GGT1: variants seen among roughly 807,000 people sequenced by gnomAD.
GGT1 encodes glutathione hydrolase 1 proenzyme.
Under a neutral mutation model 56.0 loss-of-function variants are expected in GGT1, and 21 were observed. The ratio of observed to expected loss-of-function variants is 0.38; its 90% CI spans 0.27 to 0.54. GGT1 has a LOEUF of 0.54. Ranked by LOEUF, GGT1 falls within the 20% of genes least tolerant of loss-of-function variation. The probability of loss-of-function intolerance (pLI) is 0.82; values close to 1 mark genes in which losing one functional copy is unlikely to be tolerated. For missense variants in GGT1, 466 were observed against 787.0 expected (o/e 0.59, Z 4.88); for synonymous variants, 238 against 342.6 (o/e 0.69, Z 3.37).
upstream of GGT1, chr22:24,599,444 T>G (rs887845690): frequency 2.0e-5 from 3 of 150,284 alleles, no homozygotes; most frequent in African/African-American, 7.3e-5. Context: ...TTCTTCTCAG[T>G]TGGGGAGGGG....
the GGT1 span, among the ~76,000 whole-genome samples, chr22:24,586,704 T>A: frequency 1.2e-3 from 182 of 152,368 alleles, 3 homozygotes; most frequent in South Asian, 0.036. Flanking sequence ...GCTAATTTTG[T>A]ATTTTTAGTA....
At chr22:24,586,299 C>T in the GGT1 span, 20 of 1,614,020 alleles carry the variant, frequency 1.2e-5, no homozygotes, top group Middle Eastern at 1.8e-3. Flanking sequence ...AGCACAGCAC[C>T]ATGGCTGCTC....
At chr22:24,602,163 C>T (rs2147202504), upstream of GGT1, among the ~76,000 whole-genome samples, 1 of 152,308 alleles carries the variant, frequency 6.6e-6, no homozygotes, top group South Asian at 2.1e-4. Flanking sequence ...GCAGCCCTCA[C>T]TTCCTGGAAA....
chr22:24,593,518 T>A (rs558557462), upstream of GGT1, among the ~76,000 whole-genome samples: 2 of 152,262 alleles, frequency 1.3e-5, no homozygotes, highest in African/African-American at 4.8e-5. Context: ...CCGGGCATGG[T>A]GGCTCACGCC....
intron 5 of GGT1, among the ~76,000 whole-genome samples, chr22:24,612,821 C>A (rs903469282): frequency 3.3e-5 from 5 of 152,084 alleles, no homozygotes; most frequent in African/African-American, 1.2e-4. Context: ...GCCACCATGC[C>A]CGGCCGGGCT....
intron 5 of GGT1, among the ~76,000 whole-genome samples, chr22:24,613,999 A>G (rs531786118): frequency 0.052 from 7,845 of 151,892 alleles, 668 homozygotes; most frequent in African/African-American, 0.18. Context: ...GCATTGAGCC[A>G]AGACTGTGCC....
rs1471318167 is a variant in GGT1 at position 24,620,635 on chromosome 22, G to A, written c.575+115G>A. The A allele has an allele frequency of 6.8e-5, 106 of 1,547,704 alleles. No homozygotes were observed. The highest frequency in any genetic ancestry group is 9.0e-5 in the Non-Finnish European group (103 of 1,148,898). On this transcript the variant is annotated intron_variant, in intron 8 of 15. Transcript: ENST00000400382. This position sits in a 1 kb window ranked among gnomAD's most constrained non-coding sequence, Gnocchi z 5.6. Reference sequence around the variant, plus strand: ...GCCTTCAGGACCCTGTGCTGATAATGGGATGAGGAGATACAGACCCTTCCC... The same window carrying A: ...GCCTTCAGGACCCTGTGCTGATAATAGGATGAGGAGATACAGACCCTTCCC...
chr22:24,614,958 C>T (rs565008246), intron 6 of GGT1, 52 bp downstream of exon 6: 33 of 1,552,948 alleles, frequency 2.1e-5, no homozygotes, highest in African/African-American at 8.2e-5. Flanking sequence ...TGGGTTGGGC[C>T]GAGGCACAGC....
In GGT1 at chr22:24,623,267, G is replaced by A. The variant is rs909754839; in HGVS notation, c.883+11G>A. 38 of 1,552,942 alleles carry A rather than the reference G, an allele frequency of 2.4e-5. No homozygotes were observed. Among genetic ancestry groups the A allele is most frequent in the South Asian group, 3.5e-5 (3 of 85,950 alleles). On this transcript the variant is annotated intron_variant, in intron 10 of 15. Transcript: ENST00000400382. Reference sequence around the variant, plus strand: ...TCAACATCCTCAAAGGTGAGTGGTCGCACCACAGCCGTGTGGTAGGACCCA... The same window carrying A: ...TCAACATCCTCAAAGGTGAGTGGTCACACCACAGCCGTGTGGTAGGACCCA...
In GGT1 at chr22:24,609,978, G is replaced by A. The variant is rs1372867320; in HGVS notation, c.-345G>A. 4 of 465,390 alleles carry A rather than the reference G, an allele frequency of 8.6e-6. No individual in the cohort carries two copies. The highest frequency in any genetic ancestry group is 2.4e-5 in the Admixed American group (1 of 42,154). 28.8% of individuals were successfully genotyped at this position (465,390 alleles called of 1,614,324 possible). The stretch of plus-strand genomic sequence containing the variant: ...CACTCCCAGCAGCAAGGCAAGTGAG[G>A]TGCTGCCGTCATCCAGGCTGGACAG... On this transcript the variant is annotated 5_prime_UTR_variant, in exon 3 of 16. The change creates a new upstream start codon in the 5' untranslated region. Transcript: ENST00000400382.
chr22:24,602,308 C>T (rs1438617489), upstream of GGT1, among the ~76,000 whole-genome samples: 1 of 152,202 alleles, frequency 6.6e-6, no homozygotes, highest in East Asian at 1.9e-4. Flanking sequence ...GCTCTTCCCC[C>T]TGGGGTGACC....
At chr22:24,592,324 C>T, upstream of GGT1, 1 of 470,316 alleles carries the variant, frequency 2.1e-6, no homozygotes, top group South Asian at 1.5e-5. Flanking sequence ...ACTGGTGATG[C>T]ATGGATGGCT....
chr22:24,593,163 G>A (rs1485213004), upstream of GGT1: 7 of 954,220 alleles, frequency 7.3e-6, no homozygotes, highest in South Asian at 2.9e-4. Flanking sequence ...TCCGAAGGCT[G>A]AGCGCCCGCC....
upstream of GGT1, chr22:24,594,727 T>A (rs776205886): frequency 5.3e-5 from 8 of 152,268 alleles, no homozygotes; most frequent in Non-Finnish European, 1.2e-4. Context: ...CACCACAGGT[T>A]TCCTCCCTGG....
chr22:24,615,658 G>T (rs959888735), intron 7 of GGT1, among the ~76,000 whole-genome samples: 7 of 152,190 alleles, frequency 4.6e-5, no homozygotes, highest in African/African-American at 1.7e-4. Flanking sequence ...CATTTGTGGG[G>T]ATGGTGCTCT....
the GGT1 span, chr22:24,589,405 C>G: frequency 9.5e-7 from 1 of 1,057,796 alleles, no homozygotes; most frequent in Non-Finnish European, 1.2e-6. Context: ...TGCGGACAGA[C>G]GGGGGCTCTA....
upstream of GGT1, among the ~76,000 whole-genome samples, chr22:24,594,333 A>C (rs545647770): frequency 1.1e-4 from 16 of 151,374 alleles, no homozygotes; most frequent in South Asian, 3.3e-3. Context: ...GTTGTGCAGG[A>C]AGGGCTGAGC....
intron 1 of GGT1, among the ~76,000 whole-genome samples, chr22:24,606,609 C>T (rs4049913): frequency 4.6e-5 from 7 of 152,142 alleles, no homozygotes; most frequent in Admixed American, 2.0e-4. Context: ...CTGATCTTCA[C>T]GGGGAGGAAT....
chr22:24,592,065 T>C (rs1454500885), upstream of GGT1, among the ~76,000 whole-genome samples: 3 of 152,116 alleles, frequency 2.0e-5, no homozygotes, highest in African/African-American at 7.2e-5. Flanking sequence ...AACACCTGCA[T>C]GGCTGACTTC....
Sources: allele counts gnomAD v4.1 joint callset (sites outside exome capture counted in the v4.1 genomes callset), GRCh38; gene constraint gnomAD v4.1.1; non-coding constraint Gnocchi (gnomAD v3.1); transcripts MANE v1.5; gene names NCBI Gene and HGNC (gene_info 2026-07-23, HGNC 2026-07-21).